The following CADPS variants were observed in gnomAD, a reference collection of about 807,000 sequenced individuals.
CADPS encodes calcium dependent secretion activator.
A neutral mutation model predicts 167.3 loss-of-function variants in CADPS; 57 were observed. That is an observed-to-expected ratio of 0.34 (90% CI 0.28 to 0.42). The LOEUF (loss-of-function observed/expected upper bound fraction) is 0.42, where lower values mean the gene tolerates loss of function less well. Ranked by LOEUF, CADPS falls within the 20% of genes least tolerant of loss-of-function variation. The probability of loss-of-function intolerance (pLI) is 1.00; values close to 1 mark genes in which losing one functional copy is unlikely to be tolerated. For missense variants in CADPS, 1,414 were observed against 1,738.1 expected, an observed-to-expected ratio of 0.81 and a Z score of 3.32; for synonymous variants, 676 against 635.3, an observed-to-expected ratio of 1.06 and a Z score of -0.96.
Position 62,481,814 on chromosome 3 carries a change from C to T in CADPS, c.3082G>A (p.Val1028Ile), listed in dbSNP as rs753914427. 3 of 1,611,332 alleles carry T rather than the reference C, an allele frequency of 1.9e-6. No homozygotes were observed. Among genetic ancestry groups the T allele is most frequent in the East Asian group, 4.5e-5 (2 of 44,732 alleles). The change falls in exon 22 of 30, where the codon GTA becomes ATA. Residue 1028 changes from valine (V) to isoleucine (I), a missense_variant. This residue lies in a region of CADPS where 529 missense variants were observed against 629.6 expected (regional missense o/e 0.84). Transcript: ENST00000383710. ...VNLPNVNLPK[V>I]PNLPVNIPLG... ...GGGATGTTAACTGGTAGATTTGGTACTTTGGGAAGGTTCACATTGGGTAGG... is the reference window on the plus strand; with the variant it reads ...GGGATGTTAACTGGTAGATTTGGTATTTTGGGAAGGTTCACATTGGGTAGG...
intron 3 of CADPS, among the ~76,000 whole-genome samples, chr3:62,694,483 G>A (rs895699892): frequency 6.6e-6 from 1 of 151,998 alleles, no homozygotes; most frequent in African/African-American, 2.4e-5. Context: ...CCATACCCTG[G>A]AGGAGTAGCC....
At chr3:62,536,708 C>T (rs910178865) in intron 11 of CADPS, 127 bp from the exon 12 acceptor site, 1 of 843,132 alleles carries the variant, frequency 1.2e-6, no homozygotes, top group African/African-American at 1.7e-5. Flanking sequence ...TGCCTCCCAC[C>T]AACATCCCCA....
At chr3:62,525,816 C>T (rs912970172) in intron 13 of CADPS, among the ~76,000 whole-genome samples, 2 of 151,656 alleles carry the variant, frequency 1.3e-5, no homozygotes, top group Admixed American at 1.3e-4. Flanking sequence ...AGGCATTCAC[C>T]AAAAAGAAAT....
At chr3:62,453,421 T>C (rs2058314655) in intron 26 of CADPS, among the ~76,000 whole-genome samples, 1 of 152,198 alleles carries the variant, frequency 6.6e-6, no homozygotes, top group Non-Finnish European at 1.5e-5. Flanking sequence ...AATATATCTT[T>C]CTCAGGGTGA....
intron 3 of CADPS, among the ~76,000 whole-genome samples, chr3:62,720,382 C>G (rs1169506939): frequency 2.0e-5 from 3 of 151,088 alleles, no homozygotes; most frequent in African/African-American, 7.3e-5. Context: ...ACTCAGACTG[C>G]AGTGCAGTGG....
In CADPS at chr3:62,528,659, G is replaced by A. The variant is rs145368129; in HGVS notation, c.2291+4212C>T. Among the ~76,000 whole-genome samples the A allele has an allele frequency of 3.3e-4, 50 of 152,172 alleles. No individual in the cohort carries two copies. In the East Asian group the frequency reaches 6.2e-3, roughly 19 times the overall value. On this transcript the variant is annotated intron_variant, in intron 13 of 29. Coordinates refer to ENST00000383710, the MANE Select transcript of CADPS (RefSeq NM_003716.4). ...AATGAGAAAACTGAGGCACAGAAAC[G>A]GGATCTGATACTCCTAGATTTATGC...
At chr3:62,493,943 A>G (rs72891922) in intron 18 of CADPS, among the ~76,000 whole-genome samples, 7,086 of 152,306 alleles carry the variant, frequency 0.047, 254 homozygotes, top group African/African-American at 0.094. Flanking sequence ...TTAATGCAAC[A>G]TAAGTGTAAA....
intron 17 of CADPS, among the ~76,000 whole-genome samples, chr3:62,509,681 A>C (rs2067367552): frequency 6.6e-6 from 1 of 152,158 alleles, no homozygotes; most frequent in African/African-American, 2.4e-5. Flanking sequence ...GGGGAATCTC[A>C]ACTGCCCTCG....
At chr3:62,581,283 A>G (rs1562440524) in intron 8 of CADPS, among the ~76,000 whole-genome samples, 4 of 151,904 alleles carry the variant, frequency 2.6e-5, no homozygotes. Context: ...TGGCATTCCC[A>G]TTTTCTGATG....
intron 13 of CADPS, among the ~76,000 whole-genome samples, chr3:62,521,341 A>G (rs1432464724): frequency 6.6e-6 from 1 of 152,222 alleles, no homozygotes; most frequent in Non-Finnish European, 1.5e-5. Flanking sequence ...CAAGAGATAC[A>G]TGGTATTATT....
intron 1 of CADPS, among the ~76,000 whole-genome samples, chr3:62,855,933 A>G (rs908174653): frequency 6.6e-6 from 1 of 152,230 alleles, no homozygotes; most frequent in Non-Finnish European, 1.5e-5. Context: ...GCAATTTAAT[A>G]TATTTTTAGA....
At chr3:62,768,361 G>C (rs2087502899) in intron 1 of CADPS, among the ~76,000 whole-genome samples, 1 of 152,020 alleles carries the variant, frequency 6.6e-6, no homozygotes, top group Non-Finnish European at 1.5e-5. Context: ...CGTGATTTTG[G>C]GAGTGGGGTG....
chr3:62,661,652 A>G (rs182274327), intron 4 of CADPS, among the ~76,000 whole-genome samples: 1 of 152,242 alleles, frequency 6.6e-6, no homozygotes, highest in African/African-American at 2.4e-5. Context: ...AGATGTTTGT[A>G]TATGAGTTTT....
At chr3:62,679,392 TGCTGGTCC>T (rs2076799501) in intron 3 of CADPS, among the ~76,000 whole-genome samples, 1 of 151,822 alleles carries the variant, frequency 6.6e-6, no homozygotes, top group Admixed American at 6.6e-5. Flanking sequence ...CTGGTCCAGA[TGCTGGTCC>T]AGATACTTCC....
intron 1 of CADPS, chr3:62,814,629 T>C (rs2094531759): frequency 6.6e-6 from 1 of 152,182 alleles, no homozygotes; most frequent in Admixed American, 6.6e-5. Flanking sequence ...GGGAAGAAGT[T>C]ACTCTATGAG....
intron 3 of CADPS, among the ~76,000 whole-genome samples, chr3:62,718,669 C>G (rs1211142347): frequency 6.6e-6 from 1 of 152,166 alleles, no homozygotes; most frequent in African/African-American, 2.4e-5. Flanking sequence ...CTCCAGTCCT[C>G]TAAGGTTAAG....
intron 28 of CADPS, among the ~76,000 whole-genome samples, chr3:62,418,632 AGCCCG>A (rs1002442245): frequency 2.6e-5 from 4 of 151,642 alleles, no homozygotes; most frequent in Admixed American, 6.6e-5. Flanking sequence ...TGAGCCACCA[AGCCCG>A]GCTGATAAAT....
chr3:62,660,161 AATT>A (rs78855345), intron 4 of CADPS, among the ~76,000 whole-genome samples: 42,479 of 151,954 alleles, frequency 0.28, 6,871 homozygotes, highest in East Asian at 0.68. Context: ...CAGTTTCTTA[AATT>A]ATCATGTTAA....
intron 6 of CADPS, among the ~76,000 whole-genome samples, chr3:62,595,755 T>A (rs1450105816): frequency 6.6e-6 from 1 of 152,182 alleles, no homozygotes; most frequent in East Asian, 1.9e-4. Flanking sequence ...CCTGGGTGTG[T>A]TTGTGTGGGT....
Sources: gnomAD v4.1 joint callset for allele counts (sites outside exome capture counted in the v4.1 genomes callset) on GRCh38, gnomAD v4.1.1 for gene constraint, gnomAD v4.1.1 regional missense constraint, MANE v1.5 for transcripts, NCBI Gene and HGNC (gene_info 2026-07-23, HGNC 2026-07-21) for gene names.